The following COMMD10 variants were observed in gnomAD, a reference collection of about 807,000 sequenced individuals.
COMMD10 encodes the protein COMM domain containing 10, also known as COMM domain-containing protein 10.
Under a neutral mutation model 28.9 loss-of-function variants are expected in COMMD10, and 33 were observed. That is an observed-to-expected ratio of 1.14 (90% CI 0.87 to 1.53). The LOEUF is 1.53. COMMD10 is among the 40% of genes most tolerant of loss of function. The pLI is 0.00. For missense variants in COMMD10, 310 were observed against 233.4 expected (o/e 1.33, Z -2.14); for synonymous variants, 110 against 81.7 (o/e 1.35, Z -1.87).
chr5:116,238,300 T>C (rs1221291429), intron 5 of COMMD10, among the ~76,000 whole-genome samples: 2 of 152,188 alleles, frequency 1.3e-5, no homozygotes, highest in African/African-American at 4.8e-5. Flanking sequence ...CTGGACTGCA[T>C]GACAATTAAG....
At chr5:116,099,500 A>G (rs1283136589) in intron 4 of COMMD10, among the ~76,000 whole-genome samples, 1 of 152,058 alleles carries the variant, frequency 6.6e-6, no homozygotes, top group Non-Finnish European at 1.5e-5. Context: ...TTTATTTTTA[A>G]TGTTTTAAGG....
chr5:116,157,969 A>T (rs190555146), intron 5 of COMMD10, among the ~76,000 whole-genome samples: 52 of 150,356 alleles, frequency 3.5e-4, no homozygotes, highest in Admixed American at 1.1e-3. Flanking sequence ...AACCATTTGA[A>T]TATCTACTTT....
At chr5:116,143,398 G>GA (rs1333245217) in intron 5 of COMMD10, among the ~76,000 whole-genome samples, 2 of 151,600 alleles carry the variant, frequency 1.3e-5, no homozygotes, top group African/African-American at 2.4e-5. Flanking sequence ...ACTTGGAGGA[G>GA]AAAATCTCTG....
chr5:116,278,254 T>TA (rs1178090311), intron 5 of COMMD10, among the ~76,000 whole-genome samples: 2 of 151,782 alleles, frequency 1.3e-5, no homozygotes, highest in Non-Finnish European at 2.9e-5. Flanking sequence ...TTCTCACTGT[T>TA]AAAAAAGCTT....
intron 4 of COMMD10, among the ~76,000 whole-genome samples, chr5:116,130,702 C>T (rs972402534): frequency 2.4e-4 from 37 of 152,112 alleles, no homozygotes; most frequent in Admixed American, 9.2e-4. Context: ...GTCCTTTCTT[C>T]TAGCCACATG....
rs190280253 is a variant in COMMD10, at chr5:116,282,062, T to C, written c.511-9455T>C. Among the ~76,000 whole-genome samples the C allele has an allele frequency of 1.3e-3, 196 of 152,122 alleles. 7 individuals are homozygous for C. The highest frequency in any genetic ancestry group is 4.7e-3 in the African/African-American group (194 of 41,374). On this transcript the variant is annotated intron_variant, in intron 5 of 6. Coordinates refer to ENST00000274458, the MANE Select transcript of COMMD10 (RefSeq NM_016144.4). ...TATTGTCAAGGAAATCTTGCAGATA[T>C]ATCAAGCTAATTGTGTCTGAAACTG...
At chr5:116,147,399 T>C (rs181675327) in intron 5 of COMMD10, among the ~76,000 whole-genome samples, 91 of 152,030 alleles carry the variant, frequency 6.0e-4, no homozygotes, top group African/African-American at 1.8e-3. Flanking sequence ...TATAATCGAA[T>C]TTTTACAAAC....
chr5:116,109,476 C>T (rs1306676674), intron 4 of COMMD10, among the ~76,000 whole-genome samples: 1 of 152,168 alleles, frequency 6.6e-6, no homozygotes, highest in Non-Finnish European at 1.5e-5. Context: ...TGCCTGTAAT[C>T]CCAGCTACTT....
At chr5:116,206,578 G>C (rs759043602) in intron 5 of COMMD10, among the ~76,000 whole-genome samples, 1 of 152,000 alleles carries the variant, frequency 6.6e-6, no homozygotes, top group Non-Finnish European at 1.5e-5. Flanking sequence ...CTTGAATCCG[G>C]GAGGCAGAGA....
chr5:116,150,532 T>C (rs1159165559), intron 5 of COMMD10, among the ~76,000 whole-genome samples: 10 of 145,300 alleles, frequency 6.9e-5, no homozygotes, highest in Non-Finnish European at 1.2e-4. Flanking sequence ...TTTTATTTCG[T>C]TGAGCAGTGG....
At chr5:116,088,666 G>A (rs560843089) in intron 2 of COMMD10, among the ~76,000 whole-genome samples, 1 of 152,238 alleles carries the variant, frequency 6.6e-6, no homozygotes, top group South Asian at 2.1e-4. Flanking sequence ...TCAGCAATGT[G>A]TCTATGCATA....
intron 4 of COMMD10, among the ~76,000 whole-genome samples, chr5:116,120,777 T>G (rs566154065): frequency 9.9e-5 from 15 of 152,158 alleles, no homozygotes; most frequent in African/African-American, 3.4e-4. Flanking sequence ...CAGAGTAGTA[T>G]TCTACCATTT....
At chr5:116,179,820 C>T (rs1747885958) in intron 5 of COMMD10, among the ~76,000 whole-genome samples, 1 of 151,728 alleles carries the variant, frequency 6.6e-6, no homozygotes, top group South Asian at 2.1e-4. Flanking sequence ...AATATTGAGG[C>T]AGGAAAAGGT....
intron 5 of COMMD10, among the ~76,000 whole-genome samples, chr5:116,260,427 G>A (rs1249341622): frequency 5.9e-5 from 9 of 151,792 alleles, no homozygotes; most frequent in Non-Finnish European, 1.5e-5. Context: ...TTTCATGGTA[G>A]CAAATGGATT....
At chr5:116,134,044 C>A in intron 4 of COMMD10, 24 bp from the exon 5 acceptor site, 4 of 1,317,944 alleles carry the variant, frequency 3.0e-6, no homozygotes, top group South Asian at 1.2e-5. Context: ...CCATCTGATT[C>A]CAATCTGCAC....
At chr5:116,241,447 C>T (rs1749803659) in intron 5 of COMMD10, among the ~76,000 whole-genome samples, 1 of 152,092 alleles carries the variant, frequency 6.6e-6, no homozygotes, top group Non-Finnish European at 1.5e-5. Context: ...AAGTAAAAAA[C>T]TTCACTTACT....
At position 116,239,919 on chromosome 5, in the gene COMMD10, T is replaced by C. The variant is rs117983633; in HGVS notation, c.511-51598T>C. Among the ~76,000 whole-genome samples, 119 of 152,270 alleles carry C rather than the reference T, an allele frequency of 7.8e-4. No homozygotes were observed. The East Asian group carries it at 0.019, about 24-fold the overall frequency. The stretch of plus-strand genomic sequence containing the variant: ...ATTGGCACTATCTACTTATAACTTA[T>C]AACTTAGCTTATTTTTCACTCCCCC... On this transcript the variant is annotated intron_variant, in intron 5 of 6. Coordinates refer to ENST00000274458, the MANE Select transcript of COMMD10 (RefSeq NM_016144.4).
intron 5 of COMMD10, among the ~76,000 whole-genome samples, chr5:116,176,268 C>T (rs555726399): frequency 2.0e-5 from 3 of 152,232 alleles, no homozygotes; most frequent in South Asian, 2.1e-4. Flanking sequence ...TGTGCCACCA[C>T]GCCTAGCTGA....
intron 5 of COMMD10, among the ~76,000 whole-genome samples, chr5:116,273,732 C>T (rs1750820686): frequency 6.6e-6 from 1 of 151,550 alleles, no homozygotes; most frequent in African/African-American, 2.4e-5. Context: ...CTGATCTAAG[C>T]CTTTGACTTC....
Sources: allele counts gnomAD v4.1 joint callset (sites outside exome capture counted in the v4.1 genomes callset), GRCh38; gene constraint gnomAD v4.1.1; transcripts MANE v1.5; gene names NCBI Gene and HGNC (gene_info 2026-07-23, HGNC 2026-07-21).